RASA2: variants seen among roughly 807,000 people sequenced by gnomAD.
RASA2 encodes the protein RAS p21 protein activator 2.
In RASA2, 155 loss-of-function variants were observed where a neutral mutation model predicts 118.2. The ratio of observed to expected loss-of-function variants is 1.31; its 90% confidence interval spans 1.15 to 1.50. The LOEUF is 1.50. Ranked by LOEUF, RASA2 falls within the 40% of genes most tolerant of loss-of-function variation. RASA2 has a pLI of 0.00. For synonymous variants in RASA2, 353 were observed against 349.1 expected (o/e 1.01, Z -0.12); for missense variants, 1,016 against 1,009.6 (o/e 1.01, Z -0.09).
chr3:141,580,807 A>G (rs2083100807), intron 16 of RASA2, among the ~76,000 whole-genome samples: 1 of 152,060 alleles, frequency 6.6e-6, no homozygotes, highest in African/African-American at 2.4e-5. Flanking sequence ...AGTTTTAAAA[A>G]GAAAAAAAGT....
chr3:141,535,813 T>TGAG (rs2082318413), intron 4 of RASA2, among the ~76,000 whole-genome samples: 1 of 152,168 alleles, frequency 6.6e-6, no homozygotes. Context: ...CAGCCATTCA[T>TGAG]GAGGGATCTA....
Position 141,613,038 on chromosome 3 carries a change from A to G in RASA2, c.*725A>G, listed in dbSNP as rs2083675985. 6.6e-6 allele frequency: 1 copy of G among 152,240 alleles called. No homozygotes were observed. The highest frequency in any genetic ancestry group is 2.1e-4 in the South Asian group (1 of 4,836). The allele number at this position is 152,240 out of a possible 1,614,324, so 9.4% of individuals were successfully genotyped here. On this transcript the variant is annotated 3_prime_UTR_variant, in exon 24 of 24. Coordinates refer to ENST00000286364, the MANE Select transcript of RASA2 (RefSeq NM_006506.5). ...ACTGAAATTGTTTTCATTGTTTTAAATACCAGGTACTCATTTTCTTGATTT... is the reference window on the plus strand; with the variant it reads ...ACTGAAATTGTTTTCATTGTTTTAAGTACCAGGTACTCATTTTCTTGATTT...
chr3:141,581,760 G>A (rs549978881), intron 17 of RASA2, among the ~76,000 whole-genome samples: 41 of 152,238 alleles, frequency 2.7e-4, no homozygotes, highest in South Asian at 2.1e-3. Flanking sequence ...GTAGTAACCT[G>A]AGGAAAATTA....
chr3:141,503,317 A>G (rs1577646607), intron 1 of RASA2, among the ~76,000 whole-genome samples: 1 of 152,346 alleles, frequency 6.6e-6, no homozygotes, highest in Middle Eastern at 3.4e-3. Context: ...ACAGAAGCAT[A>G]TACATCAGAA....
chr3:141,600,289 G>A (rs1577817715), intron 19 of RASA2: 2 of 538,078 alleles, frequency 3.7e-6, no homozygotes, highest in Middle Eastern at 6.3e-4. Flanking sequence ...CCCTTCTACT[G>A]CCTCACATTC....
intron 9 of RASA2, among the ~76,000 whole-genome samples, chr3:141,561,703 T>C (rs2082732113): frequency 6.6e-6 from 1 of 152,236 alleles, no homozygotes; most frequent in African/African-American, 2.4e-5. Flanking sequence ...TTCAGGCAAA[T>C]TCTTTCTAAT....
chr3:141,555,947 A>G (rs1474840833), intron 7 of RASA2, 35 bp downstream of exon 7: 2 of 1,466,852 alleles, frequency 1.4e-6, no homozygotes, highest in African/African-American at 2.8e-5. Flanking sequence ...TTAACATTAA[A>G]TATGTAATAT....
chr3:141,581,018 A>C, intron 16 of RASA2, 82 bp from the exon 17 acceptor site: 3 of 1,365,030 alleles, frequency 2.2e-6, no homozygotes, highest in Non-Finnish European at 2.9e-6. Context: ...TTTAGGCCTT[A>C]ATCCTCAGCT....
Position 141,497,175 on chromosome 3 carries a change from GGA to G in RASA2, c.133+9963_133+9964del, listed in dbSNP as rs2151070141. ...CACCGGGGCCTGTCGTGGGGTGGGG[GGA>G]GAGGGGAGGGGGGAGGGATAACATT... On this transcript the variant is annotated intron_variant, in intron 1 of 23. Transcript: ENST00000286364. 2.6e-5 allele frequency among the ~76,000 whole-genome samples: 3 copies of G among 115,810 alleles called. No homozygotes were observed. The East Asian group carries it at 9.0e-4, about 35-fold the overall frequency. The allele number at this position is 115,810 out of a possible 152,430, so 76.0% of individuals were successfully genotyped here.
At chr3:141,522,874 C>T (rs1047379704) in intron 3 of RASA2, among the ~76,000 whole-genome samples, 1 of 152,034 alleles carries the variant, frequency 6.6e-6, no homozygotes, top group Non-Finnish European at 1.5e-5. Context: ...GCTTCATTTT[C>T]AGGATGTTTC....
intron 5 of RASA2, among the ~76,000 whole-genome samples, chr3:141,545,776 A>G (rs1451056706): frequency 6.6e-6 from 1 of 151,964 alleles, no homozygotes; most frequent in East Asian, 1.9e-4. Context: ...TGTATAATAA[A>G]TTATTGTTGT....
chr3:141,601,939 G>A (rs76673598), intron 19 of RASA2, among the ~76,000 whole-genome samples: 5,452 of 152,102 alleles, frequency 0.036, 346 homozygotes, highest in African/African-American at 0.12. Context: ...TCATTCATCT[G>A]TTGTACTTTT....
At chr3:141,489,006 T>C (rs915514423) in intron 1 of RASA2, among the ~76,000 whole-genome samples, 1 of 152,168 alleles carries the variant, frequency 6.6e-6, no homozygotes, top group African/African-American at 2.4e-5. Flanking sequence ...AAGAACAGTT[T>C]TGTAAGTGAA....
At chr3:141,594,173 G>A (rs2083328447) in intron 19 of RASA2, among the ~76,000 whole-genome samples, 1 of 152,068 alleles carries the variant, frequency 6.6e-6, no homozygotes, top group Non-Finnish European at 1.5e-5. Flanking sequence ...AAAATCTGAT[G>A]GGCTTAACAA....
intron 5 of RASA2, among the ~76,000 whole-genome samples, chr3:141,542,396 G>A (rs965677253): frequency 6.6e-6 from 1 of 151,986 alleles, no homozygotes. Flanking sequence ...CCATAATTTG[G>A]TAGATACTGT....
At chr3:141,547,656 T>C (rs891113842) in intron 5 of RASA2, among the ~76,000 whole-genome samples, 7 of 152,172 alleles carry the variant, frequency 4.6e-5, no homozygotes. Flanking sequence ...AGGATGATTT[T>C]ACTTCTTTCT....
intron 7 of RASA2, among the ~76,000 whole-genome samples, chr3:141,558,198 G>A (rs962322400): frequency 1.3e-5 from 2 of 152,170 alleles, no homozygotes; most frequent in African/African-American, 2.4e-5. Context: ...TCTGAGCAGC[G>A]TTCTGATGAA....
intron 9 of RASA2, 56 bp from the exon 10 acceptor site, chr3:141,570,856 C>G (rs1235803124): frequency 1.3e-6 from 2 of 1,501,122 alleles, no homozygotes; most frequent in Non-Finnish European, 1.8e-6. Flanking sequence ...TCTTAACTTG[C>G]CTCATTGGCT....
intron 2 of RASA2, among the ~76,000 whole-genome samples, chr3:141,515,221 G>T (rs1044319128): frequency 6.6e-6 from 1 of 151,544 alleles, no homozygotes. Flanking sequence ...TTTTAAAATT[G>T]CATATTTTAA....
Sources: gnomAD v4.1 joint callset for allele counts (sites outside exome capture counted in the v4.1 genomes callset) on GRCh38, gnomAD v4.1.1 for gene constraint, MANE v1.5 for transcripts, NCBI Gene and HGNC (gene_info 2026-07-23, HGNC 2026-07-21) for gene names.